PDZRN4: variants seen among roughly 807,000 people sequenced by gnomAD.
PDZRN4 encodes PDZ domain containing ring finger 4.
In PDZRN4, 70 loss-of-function variants were observed where a neutral mutation model predicts 99.0. The ratio of observed to expected loss-of-function variants is 0.71; its 90% CI spans 0.58 to 0.86. The LOEUF (loss-of-function observed/expected upper bound fraction) is 0.86. Ranked by LOEUF, PDZRN4 falls within the 40% of genes least tolerant of loss-of-function variation. The pLI is 0.00. For synonymous variants in PDZRN4, 551 were observed against 501.6 expected (o/e 1.10, Z -1.32); for missense variants, 1,474 against 1,331.2 (o/e 1.11, Z -1.67).
At chr12:41,400,929 G>A (rs886338603) in intron 3 of PDZRN4, among the ~76,000 whole-genome samples, 6 of 152,010 alleles carry the variant, frequency 3.9e-5, no homozygotes, top group Non-Finnish European at 5.9e-5. Context: ...CCTGAATCCT[G>A]ACTGTTATTT....
intron 7 of PDZRN4, among the ~76,000 whole-genome samples, chr12:41,562,734 AGAAC>A (rs1004243296): frequency 1.4e-4 from 21 of 152,266 alleles, no homozygotes; most frequent in Non-Finnish European, 2.6e-4. Flanking sequence ...CTTTTTCTTT[AGAAC>A]TTAGAAAAAG....
Position 41,574,735 on chromosome 12 carries a change from C to T in PDZRN4, c.*845C>T, listed in dbSNP as rs948105994. On this transcript the variant is annotated 3_prime_UTR_variant, in exon 10 of 10. Transcript: ENST00000402685. The stretch of plus-strand genomic sequence containing the variant: ...TGTTTCCAATAAAGTTGTATTGAAA[C>T]ATTCCCTATAGATCACTGTGTCACA... 2.6e-5 allele frequency: 4 copies of T among 152,132 alleles called. No homozygotes were observed. Among genetic ancestry groups the T allele is most frequent in the Non-Finnish European group, 5.9e-5 (4 of 68,016 alleles). The allele number at this position is 152,132 out of a possible 1,614,324, so 9.4% of individuals were successfully genotyped here. A position where few individuals can be genotyped will look rare whatever the true frequency, so the allele number is the denominator to read the frequency against.
chr12:41,344,172 C>T (rs1951836905), intron 3 of PDZRN4, among the ~76,000 whole-genome samples: 3 of 152,110 alleles, frequency 2.0e-5, no homozygotes, highest in African/African-American at 7.2e-5. Flanking sequence ...AGACAGAGTT[C>T]AATGAGGCTT....
At chr12:41,336,108 C>A (rs202209798) in intron 3 of PDZRN4, among the ~76,000 whole-genome samples, 2 of 152,042 alleles carry the variant, frequency 1.3e-5, no homozygotes, top group Admixed American at 1.3e-4. Context: ...TTATTGCATG[C>A]GGACGCAACA....
intron 3 of PDZRN4, among the ~76,000 whole-genome samples, chr12:41,396,977 A>T (rs1036458423): frequency 6.7e-6 from 1 of 149,280 alleles, no homozygotes; most frequent in Non-Finnish European, 1.5e-5. Flanking sequence ...ATGAACCATT[A>T]GCTAAAAATC....
At chr12:41,535,863 G>A (rs1938740053) in intron 5 of PDZRN4, among the ~76,000 whole-genome samples, 2 of 152,112 alleles carry the variant, frequency 1.3e-5, no homozygotes, top group East Asian at 1.9e-4. Flanking sequence ...AGAACCATGA[G>A]GCAAATAAAC....
chr12:41,379,259 T>C (rs1000813742), intron 3 of PDZRN4, among the ~76,000 whole-genome samples: 47 of 151,202 alleles, frequency 3.1e-4, no homozygotes, highest in African/African-American at 1.1e-3. Context: ...CTGTTTTTTT[T>C]TTTTTTGGTT....
intron 7 of PDZRN4, among the ~76,000 whole-genome samples, chr12:41,561,181 A>G (rs1354625585): frequency 6.6e-6 from 1 of 152,200 alleles, no homozygotes; most frequent in African/African-American, 2.4e-5. Context: ...TTAGAAATAC[A>G]TATGAGGTAG....
chr12:41,565,620 A>G (rs996711301), intron 8 of PDZRN4, among the ~76,000 whole-genome samples: 2 of 151,714 alleles, frequency 1.3e-5, no homozygotes, highest in Non-Finnish European at 2.9e-5. Flanking sequence ...AATACTCTCT[A>G]GATTCTTGGA....
chr12:41,205,818 G>T (rs768323893), intron 3 of PDZRN4, among the ~76,000 whole-genome samples: 2 of 151,858 alleles, frequency 1.3e-5, no homozygotes, highest in African/African-American at 4.8e-5. Context: ...TTATGCTCGA[G>T]ACCAGCACCC....
At chr12:41,520,791 A>G (rs772660932) in intron 5 of PDZRN4, among the ~76,000 whole-genome samples, 1 of 152,056 alleles carries the variant, frequency 6.6e-6, no homozygotes, top group African/African-American at 2.4e-5. Context: ...TTACAGATGA[A>G]GCACTGGATG....
At chr12:41,468,987 C>T (rs549202786) in intron 3 of PDZRN4, among the ~76,000 whole-genome samples, 15 of 148,316 alleles carry the variant, frequency 1.0e-4, no homozygotes, top group South Asian at 4.3e-4. Context: ...CTAGCCTGGG[C>T]GACAGAGCAA....
At position 41,378,520 on chromosome 12, in the gene PDZRN4, A is replaced by ATTTTTTTTTTTTTT. The variant is rs71081733; in HGVS notation, c.844-127930_844-127917dup. Among the ~76,000 whole-genome samples, 558 of 102,720 alleles carry ATTTTTTTTTTTTTT rather than the reference A, an allele frequency of 5.4e-3. 33 individuals are homozygous for ATTTTTTTTTTTTTT. Among genetic ancestry groups the ATTTTTTTTTTTTTT allele is most frequent in the African/African-American group, 0.019 (518 of 26,648 alleles). The allele number at this position is 102,720 out of a possible 152,430, so 67.4% of individuals were successfully genotyped here. A position where few individuals can be genotyped will look rare whatever the true frequency, so the allele number is the denominator to read the frequency against. Reference sequence around the variant, plus strand: ...TTTGGAAGTGCTCCTTCTGTCTTCAATTTTTTTTTTTTTTTTTTTGAGACA... The same window carrying ATTTTTTTTTTTTTT: ...TTTGGAAGTGCTCCTTCTGTCTTCAATTTTTTTTTTTTTTTTTTTTTTTTTTTTTTTTTGAGACA... On this transcript the variant is annotated intron_variant, in intron 3 of 9. Transcript: ENST00000402685.
chr12:41,561,952 G>GA (rs971203129), intron 7 of PDZRN4, among the ~76,000 whole-genome samples: 2 of 152,018 alleles, frequency 1.3e-5, no homozygotes, highest in African/African-American at 4.8e-5. Context: ...CTTTATTTGA[G>GA]AAAAAAGGCC....
At chr12:41,398,754 C>T (rs1347739416) in intron 3 of PDZRN4, among the ~76,000 whole-genome samples, 1 of 152,124 alleles carries the variant, frequency 6.6e-6, no homozygotes, top group South Asian at 2.1e-4. Flanking sequence ...CTTCTCATTT[C>T]TTTCATACCT....
At chr12:41,472,465 T>G (rs1265528695) in intron 3 of PDZRN4, among the ~76,000 whole-genome samples, 3 of 152,246 alleles carry the variant, frequency 2.0e-5, no homozygotes, top group African/African-American at 7.2e-5. Flanking sequence ...GTAATTAATT[T>G]TCTCTGACAG....
At chr12:41,442,124 A>G (rs1952684889) in intron 3 of PDZRN4, among the ~76,000 whole-genome samples, 1 of 152,102 alleles carries the variant, frequency 6.6e-6, no homozygotes, top group Non-Finnish European at 1.5e-5. Context: ...AGTGGCTTCT[A>G]GGTTTCTTTC....
chr12:41,308,088 A>G (rs1951583825), intron 3 of PDZRN4, among the ~76,000 whole-genome samples: 2 of 152,164 alleles, frequency 1.3e-5, no homozygotes, highest in South Asian at 4.1e-4. Context: ...ATTATTTTCT[A>G]ACATTCTAAC....
At chr12:41,440,336 CAT>C (rs1446495617) in intron 3 of PDZRN4, among the ~76,000 whole-genome samples, 1 of 152,082 alleles carries the variant, frequency 6.6e-6, no homozygotes, top group Non-Finnish European at 1.5e-5. Flanking sequence ...GATCACGAAA[CAT>C]ATGATCAACA....
Sources: gnomAD v4.1 joint callset for allele counts (sites outside exome capture counted in the v4.1 genomes callset) on GRCh38, gnomAD v4.1.1 for gene constraint, MANE v1.5 for transcripts, NCBI Gene and HGNC (gene_info 2026-07-23, HGNC 2026-07-21) for gene names.